Variants in SNTG1 observed in about 807,000 individuals in gnomAD.
The protein encoded by SNTG1 is syntrophin gamma 1.
In SNTG1, 39 loss-of-function variants were observed where a neutral mutation model predicts 74.7. That is an observed-to-expected ratio of 0.52 (90% CI 0.40 to 0.68). The LOEUF is 0.68. Among genes scored for constraint, SNTG1 ranks in the 30% least tolerant of loss-of-function variants. The probability of loss-of-function intolerance (pLI) is 0.00; values close to 1 mark genes in which losing one functional copy is unlikely to be tolerated. For synonymous variants in SNTG1, 254 were observed against 217.1 expected, an observed-to-expected ratio of 1.17 and a Z score of -1.49; for missense variants, 685 against 609.5, an observed-to-expected ratio of 1.12 and a Z score of -1.30.
At position 50,355,872 on chromosome 8, in the gene SNTG1, G is replaced by A. The variant is rs373367764; in HGVS notation, c.-27-38340G>A. On this transcript the variant is annotated intron_variant, in intron 2 of 18. Coordinates refer to ENST00000642720, the MANE Select transcript of SNTG1 (RefSeq NM_018967.5). ...TCTGATTCTTTGCTGTGAGCTTACCGTGGCTTTTAGACTGAGCTGATTCCA... is the reference window on the plus strand; with the variant it reads ...TCTGATTCTTTGCTGTGAGCTTACCATGGCTTTTAGACTGAGCTGATTCCA... Among the ~76,000 whole-genome samples the A allele has an allele frequency of 4.3e-4, 65 of 152,162 alleles. No homozygotes were observed. In the South Asian group the frequency reaches 6.6e-3, roughly 16 times the overall value.
At chr8:49,950,960 T>A (rs909959528) in intron 1 of SNTG1, among the ~76,000 whole-genome samples, 1 of 152,236 alleles carries the variant, frequency 6.6e-6, no homozygotes, top group Non-Finnish European at 1.5e-5. Flanking sequence ...AAAATAATTT[T>A]TAAATGTTAT....
At chr8:50,607,728 T>C (rs771108105) in intron 13 of SNTG1, among the ~76,000 whole-genome samples, 1 of 151,630 alleles carries the variant, frequency 6.6e-6, no homozygotes, top group Non-Finnish European at 1.5e-5. Context: ...TATTTATTTA[T>C]GGATATTTAT....
chr8:50,692,333 T>C lies in SNTG1; in HGVS notation c.1039-12267T>C, dbSNP rs1232109510. 2.6e-5 allele frequency among the ~76,000 whole-genome samples: 4 copies of C among 152,346 alleles called. No homozygotes were observed. In the East Asian group the frequency reaches 7.7e-4, roughly 29 times the overall value. ...GGAGGAGGAGAGGCGCTCTGATTTT[T>C]AGGGTTTCCAGTTTTTCTGCTCTAT... On this transcript the variant is annotated intron_variant, in intron 15 of 18. Transcript: ENST00000642720.
chr8:50,005,149 G>A (rs941598691), intron 1 of SNTG1, among the ~76,000 whole-genome samples: 35 of 151,958 alleles, frequency 2.3e-4, no homozygotes, highest in African/African-American at 8.5e-4. Flanking sequence ...TCTTGATACT[G>A]TAAATGATAA....
intron 1 of SNTG1, among the ~76,000 whole-genome samples, chr8:50,123,152 T>C (rs1467665769): frequency 7.0e-6 from 1 of 142,610 alleles, no homozygotes; most frequent in Non-Finnish European, 1.6e-5. Flanking sequence ...GTCCTAAGAC[T>C]CACTTCAAAC....
chr8:50,223,642 A>T (rs2085179295), intron 2 of SNTG1, among the ~76,000 whole-genome samples: 1 of 152,128 alleles, frequency 6.6e-6, no homozygotes, highest in Non-Finnish European at 1.5e-5. Context: ...TTAGGAAACA[A>T]AAAGAAAAGA....
intron 2 of SNTG1, among the ~76,000 whole-genome samples, chr8:50,245,549 G>T (rs1013673459): frequency 1.3e-5 from 2 of 152,022 alleles, no homozygotes; most frequent in African/African-American, 4.8e-5. Context: ...TGGGCATGGT[G>T]GTGCATGCCT....
intron 13 of SNTG1, among the ~76,000 whole-genome samples, chr8:50,622,832 GTTA>G (rs2094931890): frequency 7.0e-6 from 1 of 142,396 alleles, no homozygotes; most frequent in Non-Finnish European, 1.6e-5. Flanking sequence ...TCTTTAAATA[GTTA>G]GGAGTTTTGA....
At chr8:50,690,959 T>G (rs774086524) in intron 15 of SNTG1, among the ~76,000 whole-genome samples, 4 of 152,238 alleles carry the variant, frequency 2.6e-5, no homozygotes, top group African/African-American at 7.2e-5. Context: ...ATATTTAGGA[T>G]AGTTAGCTCT....
At chr8:50,393,957 A>C (rs1241909156) in intron 2 of SNTG1, among the ~76,000 whole-genome samples, 3 of 152,184 alleles carry the variant, frequency 2.0e-5, no homozygotes, top group African/African-American at 7.2e-5. Context: ...GCGGGGTGGA[A>C]AGGTGCCTGG....
chr8:50,402,971 C>T (rs1038757209), intron 4 of SNTG1, among the ~76,000 whole-genome samples: 4 of 152,164 alleles, frequency 2.6e-5, no homozygotes, highest in Admixed American at 1.3e-4. Context: ...CTACTCATGT[C>T]GAGGCAGCAT....
At chr8:50,130,884 A>G (rs554756555) in intron 1 of SNTG1, among the ~76,000 whole-genome samples, 1 of 152,210 alleles carries the variant, frequency 6.6e-6, no homozygotes, top group South Asian at 2.1e-4. Flanking sequence ...ATGGGAAATA[A>G]TGGTTTCAAG....
intron 2 of SNTG1, among the ~76,000 whole-genome samples, chr8:50,220,669 G>A (rs2085018239): frequency 6.6e-6 from 1 of 152,194 alleles, no homozygotes; most frequent in Non-Finnish European, 1.5e-5. Context: ...GTGGAGGCAG[G>A]GCAATGGAGC....
intron 1 of SNTG1, among the ~76,000 whole-genome samples, chr8:50,056,612 C>T (rs1820044395): frequency 6.6e-6 from 1 of 152,168 alleles, no homozygotes; most frequent in African/African-American, 2.4e-5. Context: ...TTAATCACTT[C>T]ATGCAAGCAG....
chr8:50,611,658 A>G (rs994543560), intron 13 of SNTG1, among the ~76,000 whole-genome samples: 3 of 152,320 alleles, frequency 2.0e-5, no homozygotes, highest in African/African-American at 7.2e-5. Context: ...GTGGTGGTAC[A>G]TGCTTATAGT....
intron 4 of SNTG1, among the ~76,000 whole-genome samples, chr8:50,424,449 C>T (rs960977024): frequency 4.0e-4 from 61 of 152,114 alleles, no homozygotes; most frequent in Admixed American, 1.3e-4. Flanking sequence ...CATTTTTATA[C>T]CATGCATGGA....
intron 2 of SNTG1, among the ~76,000 whole-genome samples, chr8:50,248,476 A>G (rs1010778031): frequency 6.6e-6 from 1 of 152,164 alleles, no homozygotes; most frequent in African/African-American, 2.4e-5. Flanking sequence ...TCTTTGCTTG[A>G]CATCTTCATA....
rs562624344 is a variant in SNTG1, at chr8:50,039,418, G to T, written c.-103+127187G>T. Reference sequence around the variant, plus strand: ...TGCAGTGAGCCGAGATCGCGCCACGGCACTCCAGCCTGGGTGACAGAGCAA... The same window carrying T: ...TGCAGTGAGCCGAGATCGCGCCACGTCACTCCAGCCTGGGTGACAGAGCAA... On this transcript the variant is annotated intron_variant, in intron 1 of 18. Transcript: ENST00000642720. 5.3e-4 allele frequency among the ~76,000 whole-genome samples: 71 copies of T among 132,860 alleles called. 1 individual carries two copies. Among genetic ancestry groups the T allele is most frequent in the Middle Eastern group, 0.011 (2 of 188 alleles). The allele number at this position is 132,860 out of a possible 152,430, so 87.2% of individuals were successfully genotyped here. A position where few individuals can be genotyped will look rare whatever the true frequency, so the allele number is the denominator to read the frequency against.
Position 50,596,695 on chromosome 8 carries a change from G to A in SNTG1, c.849+5778G>A, listed in dbSNP as rs1426208734. On this transcript the variant is annotated intron_variant, in intron 13 of 18. Coordinates refer to ENST00000642720, the MANE Select transcript of SNTG1 (RefSeq NM_018967.5). ...GTCTTGAATACTGTAGTACTACGAT[G>A]TCTAACATGAGTAGTGTAAGTCCCC... 3.9e-5 allele frequency among the ~76,000 whole-genome samples: 6 copies of A among 151,990 alleles called. No individual in the cohort carries two copies. The South Asian group carries it at 1.0e-3, about 26-fold the overall frequency.
Sources: gnomAD v4.1 joint callset for allele counts (sites outside exome capture counted in the v4.1 genomes callset) on GRCh38, gnomAD v4.1.1 for gene constraint, MANE v1.5 for transcripts, NCBI Gene and HGNC (gene_info 2026-07-23, HGNC 2026-07-21) for gene names.